Variants in PTH2R observed in about 807,000 individuals in gnomAD.
PTH2R encodes PTH2 receptor.
Under a neutral mutation model 60.3 loss-of-function variants are expected in PTH2R, and 59 were observed. The ratio of observed to expected loss-of-function variants is 0.98; its 90% CI spans 0.79 to 1.22. The LOEUF (loss-of-function observed/expected upper bound fraction) is 1.22, where lower values mean the gene tolerates loss of function less well. Ranked by LOEUF, PTH2R falls within the 50% of genes most tolerant of loss-of-function variation. The probability of loss-of-function intolerance (pLI) is 0.00; values close to 1 mark genes in which losing one functional copy is unlikely to be tolerated. For missense variants in PTH2R, 749 were observed against 682.6 expected (o/e 1.10, Z -1.08); for synonymous variants, 256 against 243.8 (o/e 1.05, Z -0.47).
chr2:208,386,513 C>T (rs1040272743), intron 1 of PTH2R, among the ~76,000 whole-genome samples: 9 of 151,102 alleles, frequency 6.0e-5, no homozygotes, highest in Non-Finnish European at 1.2e-4. Flanking sequence ...TGTGTGTGTG[C>T]GTGTGTGTGT....
At chr2:208,365,989 TTTTTTTTG>T in intron 1 of PTH2R, among the ~76,000 whole-genome samples, 1 of 104,950 alleles carries the variant, frequency 9.5e-6, no homozygotes, top group African/African-American at 3.7e-5. Context: ...TTTTTTTTTT[TTTTTTTTG>T]CAGAGACAAG....
chr2:208,367,392 A>C (rs1463997075), intron 1 of PTH2R, among the ~76,000 whole-genome samples: 1 of 149,240 alleles, frequency 6.7e-6, no homozygotes, highest in African/African-American at 2.5e-5. Flanking sequence ...CTTCAAATTT[A>C]ATTCAGCTAA....
chr2:208,459,216 G>A (rs10202607), intron 8 of PTH2R, among the ~76,000 whole-genome samples: 88,461 of 151,944 alleles, frequency 0.58, 26,825 homozygotes, highest in Admixed American at 0.67. Context: ...AACCTCATTA[G>A]TTAATGAGGG....
intron 7 of PTH2R, among the ~76,000 whole-genome samples, chr2:208,449,682 T>C (rs1202256644): frequency 6.6e-6 from 1 of 152,170 alleles, no homozygotes; most frequent in Non-Finnish European, 1.5e-5. Context: ...CCAAAGACAT[T>C]ATTGTGCATA....
chr2:208,397,943 C>T (rs886921875), intron 1 of PTH2R, among the ~76,000 whole-genome samples: 3 of 152,152 alleles, frequency 2.0e-5, no homozygotes, highest in African/African-American at 7.2e-5. Flanking sequence ...ATTTCTGGAG[C>T]TGATTTAAAA....
chr2:208,443,275 C>A, intron 5 of PTH2R, 73 bp from the exon 6 acceptor site: 1 of 1,324,636 alleles, frequency 7.5e-7, no homozygotes, highest in Non-Finnish European at 1.0e-6. Flanking sequence ...TTGGTGGTGG[C>A]AGCAGTCGCA....
At chr2:208,408,886 T>C (rs1701481765) in intron 1 of PTH2R, among the ~76,000 whole-genome samples, 1 of 152,192 alleles carries the variant, frequency 6.6e-6, no homozygotes, top group African/African-American at 2.4e-5. Context: ...AACCTTGGCA[T>C]TGTTGACATT....
intron 8 of PTH2R, among the ~76,000 whole-genome samples, 185 bp downstream of exon 8, chr2:208,450,994 A>G (rs1390725866): frequency 6.6e-6 from 1 of 152,130 alleles, no homozygotes; most frequent in Non-Finnish European, 1.5e-5. Context: ...TCCAGAGGTC[A>G]TAGAGCAGAA....
At chr2:208,476,608 A>G (rs1271250473) in intron 9 of PTH2R, among the ~76,000 whole-genome samples, 2 of 152,232 alleles carry the variant, frequency 1.3e-5, no homozygotes, top group African/African-American at 2.4e-5. Context: ...TATGCAAATA[A>G]ACAAAGCAAA....
chr2:208,378,225 C>A (rs1257099594), intron 1 of PTH2R, among the ~76,000 whole-genome samples: 3 of 150,900 alleles, frequency 2.0e-5, no homozygotes, highest in African/African-American at 4.9e-5. Flanking sequence ...ATACGAAAAC[C>A]AGTCAGGCGT....
intron 1 of PTH2R, among the ~76,000 whole-genome samples, chr2:208,381,283 T>G (rs1021747777): frequency 6.6e-6 from 1 of 152,132 alleles, no homozygotes; most frequent in South Asian, 2.1e-4. Flanking sequence ...ACTTGAACTT[T>G]GCAGGTATCT....
intron 2 of PTH2R, 47 bp downstream of exon 2, chr2:208,428,350 C>T (rs766358569): frequency 1.5e-6 from 2 of 1,339,280 alleles, no homozygotes; most frequent in South Asian, 1.2e-5. Flanking sequence ...CCTATCTGTT[C>T]TTATAAAGAT....
upstream of PTH2R, among the ~76,000 whole-genome samples, chr2:208,405,382 T>TA (rs1368476275): frequency 6.6e-6 from 1 of 152,148 alleles, no homozygotes; most frequent in East Asian, 1.9e-4. Context: ...TACATAAATT[T>TA]AAAAAACCCT....
At chr2:208,377,502 G>A (rs7582376) in intron 1 of PTH2R, among the ~76,000 whole-genome samples, 57,741 of 146,354 alleles carry the variant, frequency 0.39, 11,988 homozygotes, top group East Asian at 0.54. Flanking sequence ...GTGGAGGCGG[G>A]CCCCCACCTC....
At chr2:208,413,570 T>C (rs914688408) in intron 1 of PTH2R, among the ~76,000 whole-genome samples, 1 of 152,260 alleles carries the variant, frequency 6.6e-6, no homozygotes, top group Non-Finnish European at 1.5e-5. Flanking sequence ...TATTCCTGCA[T>C]TAACCATTAT....
intron 6 of PTH2R, 101 bp downstream of exon 6, chr2:208,443,638 C>G: frequency 1.0e-6 from 1 of 968,346 alleles, no homozygotes; most frequent in Non-Finnish European, 1.5e-6. Flanking sequence ...TTTTACTTAT[C>G]TCTGAACTAA....
intron 1 of PTH2R, among the ~76,000 whole-genome samples, chr2:208,417,845 G>A (rs1701672729): frequency 6.6e-6 from 1 of 151,946 alleles, no homozygotes; most frequent in African/African-American, 2.4e-5. Context: ...GAGAAAGAAA[G>A]GCAAAATATC....
intron 1 of PTH2R, among the ~76,000 whole-genome samples, chr2:208,362,424 C>T (rs1002572108): frequency 6.6e-6 from 1 of 152,114 alleles, no homozygotes; most frequent in Non-Finnish European, 1.5e-5. Context: ...ATCAATGTCT[C>T]TATATGTAGA....
At chr2:208,391,237 T>C (rs1701102779) in intron 1 of PTH2R, among the ~76,000 whole-genome samples, 2 of 152,210 alleles carry the variant, frequency 1.3e-5, no homozygotes, top group South Asian at 2.1e-4. Flanking sequence ...CGTTTCTCGA[T>C]TTAATAGAAA....
Sources: allele counts gnomAD v4.1 joint callset (sites outside exome capture counted in the v4.1 genomes callset), GRCh38; gene constraint gnomAD v4.1.1; transcripts MANE v1.5; gene names NCBI Gene and HGNC (gene_info 2026-07-23, HGNC 2026-07-21).